The following APOL1 variants were observed in gnomAD, a reference collection of about 807,000 sequenced individuals.
The protein encoded by APOL1 is apolipoprotein L 1.
APOL1 carries 17 observed loss-of-function variants against 14.9 expected under a neutral mutation model. That is an observed-to-expected ratio of 1.14 (90% CI 0.78 to 1.71). The LOEUF is 1.71. APOL1 is among the 40% of genes most tolerant of loss of function. The pLI, the probability that APOL1 is intolerant of heterozygous loss-of-function variation, is 0.00. For synonymous variants in APOL1, 195 were observed against 184.8 expected (o/e 1.05, Z -0.45); for missense variants, 523 against 485.9 (o/e 1.08, Z -0.72).
rs987584418 is a variant in APOL1 at position 36,267,459 on chromosome 22, A to T, written c.*1426A>T. On this transcript the variant is annotated 3_prime_UTR_variant, in exon 6 of 6. Coordinates refer to ENST00000397278, the MANE Select transcript of APOL1 (RefSeq NM_003661.4). ...GCATTGGGAGGAAGCTCAGATCTCT[A>T]GAGCTGTCTTGTCGCCGCCCAGGAT... The T allele has an allele frequency of 4.6e-5, 7 of 151,808 alleles. No individual in the cohort carries two copies. Among genetic ancestry groups the T allele is most frequent in the Non-Finnish European group, 1.0e-4 (7 of 67,960 alleles). The allele number at this position is 151,808 out of a possible 1,614,324, so 9.4% of individuals were successfully genotyped here.
Position 36,266,636 on chromosome 22 carries a change from T to A in APOL1, c.*603T>A. The A allele has an allele frequency of 2.5e-6, 1 of 395,642 alleles. No individual in the cohort carries two copies. The allele number at this position is 395,642 out of a possible 1,614,324, so 24.5% of individuals were successfully genotyped here. A position where few individuals can be genotyped will look rare whatever the true frequency, so the allele number is the denominator to read the frequency against. On this transcript the variant is annotated 3_prime_UTR_variant, in exon 6 of 6. Transcript: ENST00000397278. ...GAATATATTGGGGGGCCGGGTGTAG[T>A]GGCTCATGCCTGTAATCCGAGCACT...
At chr22:36,257,971 G>C (rs528380826) in intron 4 of APOL1, among the ~76,000 whole-genome samples, 1 of 152,274 alleles carries the variant, frequency 6.6e-6, no homozygotes, top group Non-Finnish European at 1.5e-5. Flanking sequence ...GTGACCTGGC[G>C]CTCCTTACCT....
At chr22:36,256,482 G>A (rs988403041) in intron 2 of APOL1, among the ~76,000 whole-genome samples, 1 of 152,224 alleles carries the variant, frequency 6.6e-6, no homozygotes, top group Non-Finnish European at 1.5e-5. Flanking sequence ...AGACAGCAGA[G>A]GGGACAGGGC....
At position 36,265,632 on chromosome 22, in the gene APOL1, C is replaced by T; in HGVS notation, c.796C>T (p.Leu266Phe). Residue 266 changes from leucine (L) to phenylalanine (F), a missense_variant, in exon 6 of 6, where the codon CTT becomes TTT. Coordinates refer to ENST00000397278, the MANE Select transcript of APOL1 (RefSeq NM_003661.4). ...TTTGGGTGAGAACATATCCAACTTT[C>T]TTTCCTTAGCTGGCAATACTTACCA... ...EFLGENISNF[L>F]SLAGNTYQLT... 2 of 1,595,574 alleles carry T rather than the reference C, an allele frequency of 1.3e-6. No homozygotes were observed. Among genetic ancestry groups the T allele is most frequent in the African/African-American group, 1.3e-5 (1 of 74,524 alleles).
chr22:36,253,859 A>G, intron 1 of APOL1: 1 of 1,421,048 alleles, frequency 7.0e-7, no homozygotes, highest in Non-Finnish European at 9.9e-7. Flanking sequence ...GATGGAGAAG[A>G]AACAGGCTGT....
Position 36,263,583 on chromosome 22 carries a change from G to A in APOL1, c.315-1568G>A, listed in dbSNP as rs191756811. ...GAGACACACGGGGCAGAGTTTGGGA[G>A]GGTTTTAAGTGTGAAGCTTCATTGT... On this transcript the variant is annotated intron_variant, in intron 5 of 5. Coordinates refer to ENST00000397278, the MANE Select transcript of APOL1 (RefSeq NM_003661.4). 2.6e-5 allele frequency among the ~76,000 whole-genome samples: 4 copies of A among 152,374 alleles called. No individual in the cohort carries two copies. In the South Asian group the frequency reaches 6.2e-4, roughly 24 times the overall value.
At chr22:36,265,128 T>C in intron 5 of APOL1, 23 bp from the exon 6 acceptor site, 1 of 1,612,090 alleles carries the variant, frequency 6.2e-7, no homozygotes, top group Non-Finnish European at 8.5e-7. Context: ...CATTTCTTAA[T>C]CCTTTAACCT....
chr22:36,259,981 T>C, intron 4 of APOL1: 3 of 1,150,764 alleles, frequency 2.6e-6, no homozygotes, highest in African/African-American at 1.6e-5. Context: ...GTTTTAATGT[T>C]AAGGAGTTTA....
intron 4 of APOL1, among the ~76,000 whole-genome samples, chr22:36,259,429 T>C (rs2016003036): frequency 6.6e-6 from 1 of 152,136 alleles, no homozygotes; most frequent in South Asian, 2.1e-4. Flanking sequence ...CTAAGCCCCA[T>C]TTCCTCAGGA....
In APOL1 at chr22:36,266,232, A is replaced by G; in HGVS notation, c.*199A>G. The G allele has an allele frequency of 1.8e-6, 1 of 555,254 alleles. No homozygotes were observed. Among genetic ancestry groups the G allele is most frequent in the Non-Finnish European group, 3.1e-6 (1 of 322,758 alleles). The allele number at this position is 555,254 out of a possible 1,614,324, so 34.4% of individuals were successfully genotyped here. On this transcript the variant is annotated 3_prime_UTR_variant, in exon 6 of 6. Coordinates refer to ENST00000397278, the MANE Select transcript of APOL1 (RefSeq NM_003661.4). Reference sequence around the variant, plus strand: ...TGGCCTCCCAAGTAGCTGGGACTACAGGCGCCTACCACCATGCCCAGCTAA... The same window carrying G: ...TGGCCTCCCAAGTAGCTGGGACTACGGGCGCCTACCACCATGCCCAGCTAA...
chr22:36,265,811 C>A lies in APOL1; in HGVS notation c.975C>A (p.Ser325Arg), dbSNP rs747821454. ...AGGTGGAGAGGGTTAATGAACCCAG[C>A]ATCCTGGAAATGAGCAGAGGAGTCA... is the stretch of plus-strand genomic sequence containing the variant. ...GEQVERVNEP[S>R]ILEMSRGVKL... The change falls in exon 6 of 6, where the codon AGC becomes AGA. Residue 325 changes from serine to arginine, a missense_variant. Coordinates refer to ENST00000397278, the MANE Select transcript of APOL1 (RefSeq NM_003661.4). 8.7e-6 allele frequency: 14 copies of A among 1,614,034 alleles called. 1 individual carries two copies. The highest frequency in any genetic ancestry group is 1.0e-5 in the Non-Finnish European group (12 of 1,180,048).
rs1254788881 is a variant in APOL1 at position 36,266,113 on chromosome 22, A to G, written c.*80A>G. ...ATGCAAACTTTTTTTTTTTTCTGAG[A>G]CAGAGTCTTGCTCTGTCGCCAAGTT... On this transcript the variant is annotated 3_prime_UTR_variant, in exon 6 of 6. Coordinates refer to ENST00000397278, the MANE Select transcript of APOL1 (RefSeq NM_003661.4). The G allele has an allele frequency of 4.8e-6, 7 of 1,462,916 alleles. No individual in the cohort carries two copies. In the East Asian group the frequency reaches 1.6e-4, roughly 33 times the overall value. 90.6% of individuals were successfully genotyped at this position (1,462,916 alleles called of 1,614,324 possible). A position where few individuals can be genotyped will look rare whatever the true frequency, so the allele number is the denominator to read the frequency against.
At chr22:36,259,822 T>A in intron 4 of APOL1, 4 of 1,304,084 alleles carry the variant, frequency 3.1e-6, no homozygotes, top group Non-Finnish European at 4.0e-6. Context: ...CATCTGAGAG[T>A]GCCCAAGACC....
chr22:36,254,629 C>T (rs562621148), intron 1 of APOL1, among the ~76,000 whole-genome samples: 1 of 152,170 alleles, frequency 6.6e-6, no homozygotes, highest in South Asian at 2.1e-4. Flanking sequence ...TTTGGGAGGC[C>T]AAGACAGGTG....
At chr22:36,264,101 A>T (rs1191895567) in intron 5 of APOL1, among the ~76,000 whole-genome samples, 3 of 152,174 alleles carry the variant, frequency 2.0e-5, no homozygotes, top group South Asian at 2.1e-4. Context: ...GAAGAGGCTC[A>T]GAAGAGCCCA....
intron 1 of APOL1, among the ~76,000 whole-genome samples, chr22:36,254,433 A>G (rs1463491010): frequency 6.6e-6 from 1 of 152,290 alleles, no homozygotes; most frequent in African/African-American, 2.4e-5. Flanking sequence ...CCAGCATGGT[A>G]GTGTGTACCT....
chr22:36,254,072 A>G (rs1240329265), intron 1 of APOL1: 14 of 1,540,622 alleles, frequency 9.1e-6, no homozygotes, highest in Non-Finnish European at 9.8e-6. Flanking sequence ...TTGGATTATT[A>G]AAATCAAACA....
At chr22:36,263,822 G>C (rs1364498377) in intron 5 of APOL1, among the ~76,000 whole-genome samples, 1 of 152,220 alleles carries the variant, frequency 6.6e-6, no homozygotes, top group South Asian at 2.1e-4. Context: ...ACACCAGGGT[G>C]GGGGCGGGAG....
In APOL1 at chr22:36,265,727, G is replaced by T. The variant is rs148496792; in HGVS notation, c.891G>T (p.Pro297=). 1 of 1,613,640 alleles carries T rather than the reference G, an allele frequency of 6.2e-7. No homozygotes were observed. The highest frequency in any genetic ancestry group is 8.5e-7 in the Non-Finnish European group (1 of 1,179,808). The change falls in exon 6 of 6, where the codon CCG becomes CCT. Residue 297 remains proline, a synonymous_variant. Transcript: ENST00000397278. ...CCAGAGCCAATCTTCAGTCAGTACC[G>T]CATGCCTCAGCCTCACGCCCCCGGG... ...RRARANLQSV[P]HASASRPRVT... is the part of the protein sequence containing the mutation.
Sources: gnomAD v4.1 joint callset for allele counts (sites outside exome capture counted in the v4.1 genomes callset) on GRCh38, gnomAD v4.1.1 for gene constraint, MANE v1.5 for transcripts, NCBI Gene and HGNC (gene_info 2026-07-23, HGNC 2026-07-21) for gene names.